Variants in ZNF730 observed in about 807,000 individuals in gnomAD.
The protein encoded by ZNF730 is putative zinc finger protein 730.
In ZNF730, 12 loss-of-function variants were observed where a neutral mutation model predicts 12.6. The observed-to-expected ratio is 0.95, with a 90% confidence interval of 0.61 to 1.54. The LOEUF (loss-of-function observed/expected upper bound fraction) is 1.54. Among genes scored for constraint, ZNF730 ranks in the 40% most tolerant of loss-of-function variants. The probability of loss-of-function intolerance (pLI) is 0.00; values close to 1 mark genes in which losing one functional copy is unlikely to be tolerated. For synonymous variants in ZNF730, 194 were observed against 195.8 expected (o/e 0.99, Z 0.08); for missense variants, 643 against 583.5 (o/e 1.10, Z -1.05).
At chr19:23,124,586 A>C (rs1350173901) in intron 1 of ZNF730, among the ~76,000 whole-genome samples, 4 of 152,212 alleles carry the variant, frequency 2.6e-5, no homozygotes, top group Admixed American at 2.6e-4. Context: ...TCTTTGAAAC[A>C]TTTGAGAATA....
At chr19:23,101,002 C>T (rs191856385) in intron 1 of ZNF730, among the ~76,000 whole-genome samples, 69 of 152,244 alleles carry the variant, frequency 4.5e-4, no homozygotes, top group Admixed American at 7.8e-4. Flanking sequence ...ACTCTCCTAT[C>T]TGGACTAAAC....
At chr19:23,078,197 A>G (rs1034753552) in intron 1 of ZNF730, among the ~76,000 whole-genome samples, 2 of 151,908 alleles carry the variant, frequency 1.3e-5, no homozygotes, top group Non-Finnish European at 2.9e-5. Context: ...AAAGAGGAAG[A>G]CCTCTTTGCA....
chr19:23,115,721 C>A (rs1294879427), upstream of ZNF730, among the ~76,000 whole-genome samples: 2 of 149,328 alleles, frequency 1.3e-5, no homozygotes, highest in Non-Finnish European at 3.0e-5. Context: ...CCCAGAAGCA[C>A]AGCTTCCTAG....
intron 1 of ZNF730, chr19:23,127,638 T>G: frequency 9.0e-7 from 1 of 1,107,136 alleles, no homozygotes; most frequent in Non-Finnish European, 1.4e-6. Flanking sequence ...AATAAACTCT[T>G]TGTGTGAATG....
chr19:23,112,477 A>G (rs1217724015), upstream of ZNF730, among the ~76,000 whole-genome samples: 2 of 152,124 alleles, frequency 1.3e-5, no homozygotes, highest in East Asian at 3.8e-4. Context: ...TAATCCCAAC[A>G]CTTTGGGAGG....
chr19:23,141,820 G>A (rs948850089), intron 3 of ZNF730, among the ~76,000 whole-genome samples: 3 of 151,576 alleles, frequency 2.0e-5, no homozygotes, highest in African/African-American at 4.9e-5. Flanking sequence ...GTATCCTAAG[G>A]TTATTGATGG....
intron 1 of ZNF730, among the ~76,000 whole-genome samples, chr19:23,085,703 A>G (rs1970049261): frequency 1.3e-5 from 2 of 150,142 alleles, no homozygotes; most frequent in African/African-American, 4.9e-5. Context: ...TTTAGTAGAG[A>G]TAGGGTTTCA....
intron 1 of ZNF730, among the ~76,000 whole-genome samples, chr19:23,079,105 C>T (rs1019965005): frequency 2.0e-5 from 3 of 151,566 alleles, no homozygotes; most frequent in African/African-American, 7.3e-5. Context: ...TGTACCCGGC[C>T]CTATCTATGT....
chr19:23,095,408 A>G (rs1970232280), intron 1 of ZNF730: 1 of 398,326 alleles, frequency 2.5e-6, no homozygotes, highest in Non-Finnish European at 4.4e-6. Context: ...CCTATGGAGG[A>G]CTTTGTGATG....
At chr19:23,102,877 G>A (rs1012926452) in intron 1 of ZNF730, among the ~76,000 whole-genome samples, 8 of 152,146 alleles carry the variant, frequency 5.3e-5, no homozygotes, top group Non-Finnish European at 7.3e-5. Flanking sequence ...AAAATCATGA[G>A]TATGGTCATG....
At chr19:23,106,506 A>G (rs977802572) in intron 1 of ZNF730, among the ~76,000 whole-genome samples, 9 of 152,192 alleles carry the variant, frequency 5.9e-5, no homozygotes, top group Admixed American at 4.6e-4. Context: ...GAGGGTTGGA[A>G]TGAGGCCAGG....
intron 1 of ZNF730, among the ~76,000 whole-genome samples, chr19:23,125,263 C>T (rs913589922): frequency 4.6e-5 from 7 of 152,016 alleles, no homozygotes; most frequent in African/African-American, 1.2e-4. Flanking sequence ...CCAGTAGAGC[C>T]GGGCATTGAT....
In ZNF730 at chr19:23,135,989, C is replaced by A. The variant is rs1970826409; in HGVS notation, c.172C>A (p.Gln58Lys). ...GCCAGACCTGATCACCTGTCTGGAG[C>A]AAGAAAAAGAGCCTTGGAATTTGAA... Reference protein sequence around the residue: ...SKPDLITCLEQEKEPWNLKTH... With the variant: ...SKPDLITCLEKEKEPWNLKTH... Residue 58 changes from glutamine (Q) to lysine (K), a missense_variant, in exon 3 of 4, where the codon CAA becomes AAA. Physicochemically the swap from Gln to Lys is moderately conservative, Grantham distance 53 (BLOSUM62 1). Coordinates refer to ENST00000597761, the MANE Select transcript of ZNF730 (RefSeq NM_001277403.2). 6.2e-7 allele frequency: 1 copy of A among 1,608,072 alleles called. No homozygotes were observed. The highest frequency in any genetic ancestry group is 8.5e-7 in the Non-Finnish European group (1 of 1,177,452).
chr19:23,091,169 G>A (rs545655600), intron 1 of ZNF730, among the ~76,000 whole-genome samples: 1 of 152,284 alleles, frequency 6.6e-6, no homozygotes, highest in East Asian at 1.9e-4. Context: ...GAAGCCTCAA[G>A]CCTTGGTAGC....
chr19:23,111,939 A>G (rs1012858369), intron 1 of ZNF730, among the ~76,000 whole-genome samples: 13 of 152,256 alleles, frequency 8.5e-5, no homozygotes, highest in African/African-American at 2.7e-4. Flanking sequence ...ACTGAAGTCT[A>G]ATATTACTAA....
At chr19:23,118,351 T>C (rs1346972296) in intron 1 of ZNF730, among the ~76,000 whole-genome samples, 1 of 149,712 alleles carries the variant, frequency 6.7e-6, no homozygotes, top group Admixed American at 6.6e-5. Context: ...TGTTTTGGGG[T>C]CAAGTTTGTT....
In ZNF730 at chr19:23,136,037, C is replaced by T; in HGVS notation, c.220C>T (p.Pro74Ser). ...GAAGACACATGATATGGTAGCCAAA[C>T]CCCCAGGTAGGTGACAGTAAATACA... ...NLKTHDMVAK[P>S]PVICSHIAQD... The change falls in exon 3 of 4, where the codon CCC (proline) becomes TCC (serine). Residue 74 changes from proline (P) to serine (S), a missense_variant. Physicochemically the swap from Pro to Ser is moderately conservative, Grantham distance 74. Transcript: ENST00000597761. The T allele has an allele frequency of 1.3e-6, 2 of 1,595,926 alleles. No homozygotes were observed. Among genetic ancestry groups the T allele is most frequent in the Non-Finnish European group, 1.7e-6 (2 of 1,171,310 alleles).
rs761747142 is a variant in ZNF730, at chr19:23,145,609, G to A, written c.565G>A (p.Ala189Thr). The A allele has an allele frequency of 1.3e-6, 2 of 1,545,776 alleles. No homozygotes were observed. The highest frequency in any genetic ancestry group is 1.7e-6 in the Non-Finnish European group (2 of 1,147,364). The stretch of plus-strand genomic sequence containing the variant: ...ATTATTTTGCATTCTTTCACACTTA[G>A]CTCAACATAAAAAAATTCATACTGG... Reference protein sequence around the residue: ...GKLFCILSHLAQHKKIHTGEK... With the variant: ...GKLFCILSHLTQHKKIHTGEK... Residue 189 changes from alanine (A) to threonine (T), a missense_variant, in exon 4 of 4, where the codon GCT becomes ACT. Physicochemically the swap from Ala to Thr is moderately conservative, Grantham distance 58 (BLOSUM62 0). Coordinates refer to ENST00000597761, the MANE Select transcript of ZNF730 (RefSeq NM_001277403.2).
chr19:23,106,117 C>G (rs1970389676), intron 1 of ZNF730, among the ~76,000 whole-genome samples: 1 of 150,324 alleles, frequency 6.7e-6, no homozygotes, highest in African/African-American at 2.4e-5. Context: ...AGCAATATAA[C>G]AAGACCTTCC....
Sources: allele counts gnomAD v4.1 joint callset (sites outside exome capture counted in the v4.1 genomes callset), GRCh38; gene constraint gnomAD v4.1.1; transcripts MANE v1.5; gene names NCBI Gene and HGNC (gene_info 2026-07-23, HGNC 2026-07-21).